The following CSE1L variants were observed in gnomAD, a reference collection of about 807,000 sequenced individuals.
CSE1L encodes chromosome segregation 1 like.
Under a neutral mutation model 120.4 loss-of-function variants are expected in CSE1L, and 24 were observed. The ratio of observed to expected loss-of-function variants is 0.20; its 90% CI spans 0.14 to 0.28. CSE1L has a LOEUF of 0.28. Among genes scored for constraint, CSE1L ranks in the 10% least tolerant of loss-of-function variants. CSE1L has a pLI of 1.00. For synonymous variants in CSE1L, 402 were observed against 398.3 expected, an observed-to-expected ratio of 1.01 and a Z score of -0.11; for missense variants, 830 against 1,145.2, an observed-to-expected ratio of 0.72 and a Z score of 3.97.
intron 14 of CSE1L, among the ~76,000 whole-genome samples, chr20:49,081,992 G>A (rs1291887128): frequency 1.3e-5 from 2 of 152,130 alleles, no homozygotes; most frequent in Non-Finnish European, 2.9e-5. Context: ...GGTAATTACT[G>A]TAGTGAATTC....
intron 22 of CSE1L, among the ~76,000 whole-genome samples, chr20:49,092,481 T>C (rs539819473): frequency 1.2e-4 from 18 of 152,038 alleles, no homozygotes; most frequent in African/African-American, 3.4e-4. Context: ...CACACTGGCA[T>C]TCTCCACAGC....
At chr20:49,089,818 A>G in intron 19 of CSE1L, 72 bp downstream of exon 19, 2 of 1,413,260 alleles carry the variant, frequency 1.4e-6, no homozygotes, top group South Asian at 1.2e-5. Flanking sequence ...AGATGTTTGA[A>G]ATTTTTTTAT....
In CSE1L at chr20:49,076,411, C is replaced by T. The variant is rs181010265; in HGVS notation, c.1336-569C>T. On this transcript the variant is annotated intron_variant, in intron 12 of 24. Coordinates refer to ENST00000262982, the MANE Select transcript of CSE1L (RefSeq NM_001316.4). ...ATGTTGGTCAGGCTGTTCTTGAACT[C>T]CTGACCTCAGGTGATCCACCTGCCT... Among the ~76,000 whole-genome samples the T allele has an allele frequency of 2.5e-3, 376 of 151,900 alleles. 3 individuals are homozygous for T. Among genetic ancestry groups the T allele is most frequent in the Admixed American group, 7.0e-3 (107 of 15,248 alleles).
At chr20:49,084,513 G>T (rs1164072096) in intron 15 of CSE1L, among the ~76,000 whole-genome samples, 2 of 152,082 alleles carry the variant, frequency 1.3e-5, no homozygotes, top group East Asian at 3.9e-4. Flanking sequence ...TTTTCACAGG[G>T]TCTATGAGAT....
At chr20:49,093,734 C>A (rs2092118876) in intron 22 of CSE1L, among the ~76,000 whole-genome samples, 3 of 151,560 alleles carry the variant, frequency 2.0e-5, no homozygotes. Context: ...CTGGCCAACA[C>A]AATGAAACCC....
Position 49,094,867 on chromosome 20 carries a change from G to A in CSE1L, c.2730G>A (p.Gly910=), listed in dbSNP as rs780568749. 30 of 1,614,048 alleles carry A rather than the reference G, an allele frequency of 1.9e-5. No individual in the cohort carries two copies. The South Asian group carries it at 3.2e-4, about 17-fold the overall frequency. ...QTAFSQLAFA[G]KKEHDPVGQM... is the part of the protein sequence containing the mutation. The stretch of plus-strand genomic sequence containing the variant: ...CCTTCTCACAGTTGGCATTTGCTGG[G>A]AAAAAAGAGCATGATCCTGTAGGTC... Residue 910 remains glycine (G), a synonymous_variant, in exon 24 of 25, where the codon GGG becomes GGA. Transcript: ENST00000262982.
At chr20:49,072,117 A>G (rs1206363904) in intron 8 of CSE1L, among the ~76,000 whole-genome samples, 169 bp from the exon 9 acceptor site, 1 of 152,218 alleles carries the variant, frequency 6.6e-6, no homozygotes, top group Non-Finnish European at 1.5e-5. Flanking sequence ...TCAGCAACTT[A>G]TTTGAAAGAC....
intron 3 of CSE1L, among the ~76,000 whole-genome samples, chr20:49,064,095 A>G (rs961622908): frequency 6.6e-6 from 1 of 152,208 alleles, no homozygotes; most frequent in Admixed American, 6.5e-5. Context: ...ACTGGAATCT[A>G]GTGGGTAGAG....
chr20:49,095,015 GC>G (rs765577324), intron 24 of CSE1L, 52 bp downstream of exon 24: 1 of 1,385,718 alleles, frequency 7.2e-7, no homozygotes, highest in South Asian at 1.2e-5. Flanking sequence ...TAATGGGAGG[GC>G]AAAAGGATAG....
At chr20:49,065,586 A>ATTTTTTTTTTTTTTTTTT (rs1169151375) in intron 3 of CSE1L, among the ~76,000 whole-genome samples, 2 of 76,322 alleles carry the variant, frequency 2.6e-5, no homozygotes, top group Non-Finnish European at 4.7e-5. Context: ...TAAAATGGAA[A>ATTTTTTTTTTTTTTTTTT]TTTTTTTTTT....
chr20:49,056,055 T>C (rs2091804097), intron 1 of CSE1L, among the ~76,000 whole-genome samples: 1 of 152,316 alleles, frequency 6.6e-6, no homozygotes, highest in East Asian at 1.9e-4. Context: ...TACATGTGGC[T>C]ATATATCTAA....
chr20:49,084,790 G>C (rs2092041082), intron 15 of CSE1L, among the ~76,000 whole-genome samples: 2 of 152,026 alleles, frequency 1.3e-5, no homozygotes, highest in African/African-American at 4.8e-5. Flanking sequence ...GTAAGAGATG[G>C]AAAACAGTTC....
At chr20:49,049,398 C>T (rs953028843) in intron 1 of CSE1L, among the ~76,000 whole-genome samples, 3 of 151,772 alleles carry the variant, frequency 2.0e-5, no homozygotes, top group African/African-American at 7.3e-5. Flanking sequence ...CCAGGTTGGT[C>T]TCAAACTCCT....
intron 12 of CSE1L, 129 bp from the exon 13 acceptor site, chr20:49,076,851 A>T (rs944145548): frequency 1.5e-5 from 9 of 585,776 alleles, no homozygotes; most frequent in Non-Finnish European, 2.7e-5. Context: ...CATTTTATAC[A>T]TAAGCAATTT....
intron 23 of CSE1L, 30 bp from the exon 24 acceptor site, chr20:49,094,702 C>T (rs760745686): frequency 1.3e-6 from 2 of 1,504,460 alleles, no homozygotes; most frequent in East Asian, 2.3e-5. Context: ...TTTTCTTGAC[C>T]TTTTTATCTC....
intron 7 of CSE1L, among the ~76,000 whole-genome samples, chr20:49,069,777 T>G (rs2091918894): frequency 5.3e-5 from 8 of 152,236 alleles, no homozygotes; most frequent in Admixed American, 5.2e-4. Flanking sequence ...TCAGGGGACT[T>G]GTACCCTCAT....
intron 1 of CSE1L, among the ~76,000 whole-genome samples, chr20:49,055,806 ACT>A (rs1467491332): frequency 7.1e-6 from 1 of 141,394 alleles, no homozygotes; most frequent in Non-Finnish European, 1.6e-5. Flanking sequence ...AGAGAATAAA[ACT>A]CTCCTTATAT....
At position 49,063,190 on chromosome 20, in the gene CSE1L, A is replaced by G; in HGVS notation, c.86-12A>G. ...TTTATCTTAGTCTTTTAACATGAAAATTCTTTTACAGCTGAGAAATTTCTT... is the reference window on the plus strand; with the variant it reads ...TTTATCTTAGTCTTTTAACATGAAAGTTCTTTTACAGCTGAGAAATTTCTT... On this transcript the variant is annotated splice_polypyrimidine_tract_variant and intron_variant, in intron 2 of 24. Coordinates refer to ENST00000262982, the MANE Select transcript of CSE1L (RefSeq NM_001316.4). 5.2e-6 allele frequency: 8 copies of G among 1,548,390 alleles called. No individual in the cohort carries two copies. Among genetic ancestry groups the G allele is most frequent in the Non-Finnish European group, 7.0e-6 (8 of 1,148,744 alleles).
intron 1 of CSE1L, among the ~76,000 whole-genome samples, chr20:49,051,817 C>T (rs891692081): frequency 6.6e-6 from 1 of 152,196 alleles, no homozygotes; most frequent in Non-Finnish European, 1.5e-5. Flanking sequence ...TCTGCCTCAG[C>T]CTCCAGAGCA....
Sources: gnomAD v4.1 joint callset for allele counts (sites outside exome capture counted in the v4.1 genomes callset) on GRCh38, gnomAD v4.1.1 for gene constraint, MANE v1.5 for transcripts, NCBI Gene and HGNC (gene_info 2026-07-23, HGNC 2026-07-21) for gene names.